The following IFI27L1 variants were observed in gnomAD, a reference collection of about 807,000 sequenced individuals.
IFI27L1 encodes interferon alpha inducible protein 27 like 1.
IFI27L1 carries 3 observed loss-of-function variants against 9.2 expected under a neutral mutation model. The observed-to-expected ratio is 0.32, with a 90% CI of 0.15 to 0.84. The LOEUF is 0.84. Among genes scored for constraint, IFI27L1 ranks in the 40% least tolerant of loss-of-function variants. IFI27L1 has a pLI of 0.56. For synonymous variants in IFI27L1, 53 were observed against 50.0 expected (o/e 1.06, Z -0.26); for missense variants, 133 against 134.2 (o/e 0.99, Z 0.05).
At chr14:94,099,027 G>A (rs1031624371) in intron 2 of IFI27L1, among the ~76,000 whole-genome samples, 4 of 152,220 alleles carry the variant, frequency 2.6e-5, no homozygotes, top group Admixed American at 2.6e-4. Context: ...AAAGCAAAGT[G>A]AGGTGGCAGC....
intron 3 of IFI27L1, 150 bp downstream of exon 3, chr14:94,100,921 G>A: frequency 1.2e-6 from 1 of 832,070 alleles, no homozygotes; most frequent in South Asian, 1.4e-5. Flanking sequence ...GGACCTTAGA[G>A]CAGCAGGAAG....
At chr14:94,095,757 A>AT (rs1163579312) in intron 1 of IFI27L1, among the ~76,000 whole-genome samples, 1 of 152,126 alleles carries the variant, frequency 6.6e-6, no homozygotes, top group Non-Finnish European at 1.5e-5. Context: ...ACCATGAGGG[A>AT]TTTTCCCCCA....
rs1028761084 is a variant in IFI27L1, at chr14:94,100,241, G to A, written c.29-498G>A. 9.1e-6 allele frequency: 9 copies of A among 983,766 alleles called. No homozygotes were observed. In the African/African-American group the frequency reaches 1.0e-4, roughly 11 times the overall value. The allele number at this position is 983,766 out of a possible 1,614,324, so 60.9% of individuals were successfully genotyped here. ...AAAGCTTCAAGAAATGGCAGGGAGT[G>A]ATGGGAGGATTGAGGCTGATTTTTG... is the stretch of plus-strand genomic sequence containing the variant. On this transcript the variant is annotated intron_variant, in intron 2 of 4. Transcript: ENST00000555523.
intron 1 of IFI27L1, among the ~76,000 whole-genome samples, chr14:94,093,979 A>AATC (rs1886577267): frequency 2.0e-5 from 3 of 152,082 alleles, no homozygotes; most frequent in Non-Finnish European, 2.9e-5. Context: ...CGGGGTGGGA[A>AATC]AGGCCCTCTG....
chr14:94,097,669 A>G (rs1308646364), intron 2 of IFI27L1: 1 of 702,294 alleles, frequency 1.4e-6, no homozygotes, highest in Middle Eastern at 2.3e-4. Context: ...CAGACTGGAT[A>G]TTTCTGAAGG....
chr14:94,093,699 ACCTTGATGTG>A (rs1472055956), intron 1 of IFI27L1, among the ~76,000 whole-genome samples: 1 of 152,134 alleles, frequency 6.6e-6, no homozygotes, highest in Non-Finnish European at 1.5e-5. Flanking sequence ...AAGTTAATGA[ACCTTGATGTG>A]CCTTAGTTTG....
chr14:94,101,900 A>G lies in IFI27L1; in HGVS notation c.148A>G (p.Met50Val). The G allele has an allele frequency of 1.2e-6, 2 of 1,614,228 alleles. No individual in the cohort carries two copies. Among genetic ancestry groups the G allele is most frequent in the Non-Finnish European group, 1.7e-6 (2 of 1,180,036 alleles). Residue 50 changes from methionine to valine, a missense_variant, in exon 4 of 5, where the codon ATG (methionine) becomes GTG (valine). Met to Val is a conservative substitution (Grantham distance 21). Coordinates refer to ENST00000555523, the MANE Select transcript of IFI27L1 (RefSeq NM_206949.3). ...GIAASSIAAKMMSTAAIANGG... is the reference protein window; with the variant it reads ...GIAASSIAAKVMSTAAIANGG... ...CGCCGCATCCTCCATAGCAGCCAAGATGATGTCTACAGCAGCCATTGCCAA... is the reference window on the plus strand; with the variant it reads ...CGCCGCATCCTCCATAGCAGCCAAGGTGATGTCTACAGCAGCCATTGCCAA...
chr14:94,082,492 G>A (rs886087645), intron 1 of IFI27L1, among the ~76,000 whole-genome samples: 10 of 152,238 alleles, frequency 6.6e-5, no homozygotes, highest in East Asian at 1.9e-4. Context: ...GGAAGAAGAC[G>A]CCATCAAGGA....
Position 94,097,626 on chromosome 14 carries a change from C to T in IFI27L1, c.28+661C>T, listed in dbSNP as rs949468824. 3.3e-5 allele frequency: 23 copies of T among 701,998 alleles called. 1 individual carries two copies. Among genetic ancestry groups the T allele is most frequent in the South Asian group, 1.0e-4 (7 of 67,570 alleles). The allele number at this position is 701,998 out of a possible 1,614,324, so 43.5% of individuals were successfully genotyped here. On this transcript the variant is annotated intron_variant, in intron 2 of 4. Coordinates refer to ENST00000555523, the MANE Select transcript of IFI27L1 (RefSeq NM_206949.3). ...ACTGAGAGACGCGGGTGGCTTGGTCCGGGACTGGAGCTGCAGAAGTATGAG... is the reference window on the plus strand; with the variant it reads ...ACTGAGAGACGCGGGTGGCTTGGTCTGGGACTGGAGCTGCAGAAGTATGAG...
At chr14:94,095,958 A>G (rs60461852) in intron 1 of IFI27L1, among the ~76,000 whole-genome samples, 56,635 of 152,100 alleles carry the variant, frequency 0.37, 11,440 homozygotes, top group East Asian at 0.86. Context: ...GTGGACTCAC[A>G]TTTGAGAGCA....
rs1321510464 is a variant in IFI27L1, at chr14:94,102,029, T to C, written c.223+54T>C. ...CCAGGAGATGATCCAGCCCCGAGGCTGAACCAGGGAGGCCTCTCCTCTCCC... is the reference window on the plus strand; with the variant it reads ...CCAGGAGATGATCCAGCCCCGAGGCCGAACCAGGGAGGCCTCTCCTCTCCC... On this transcript the variant is annotated intron_variant, in intron 4 of 4. Transcript: ENST00000555523. 9 of 1,599,360 alleles carry C rather than the reference T, an allele frequency of 5.6e-6. No individual in the cohort carries two copies. In the African/African-American group the frequency reaches 1.1e-4, roughly 19 times the overall value.
intron 1 of IFI27L1, among the ~76,000 whole-genome samples, chr14:94,095,594 T>C (rs1886638737): frequency 6.6e-6 from 1 of 152,184 alleles, no homozygotes; most frequent in African/African-American, 2.4e-5. Flanking sequence ...AAGCTTTTAC[T>C]AATGCAGAAG....
chr14:94,085,918 A>G (rs1886264010), intron 1 of IFI27L1, among the ~76,000 whole-genome samples: 1 of 152,200 alleles, frequency 6.6e-6, no homozygotes, highest in African/African-American at 2.4e-5. Flanking sequence ...TGTAAAAGTG[A>G]CTTATGCCTG....
At chr14:94,092,145 A>G (rs1886501246) in intron 1 of IFI27L1, among the ~76,000 whole-genome samples, 1 of 151,632 alleles carries the variant, frequency 6.6e-6, no homozygotes, top group Admixed American at 6.6e-5. Context: ...AAAAAAAAAA[A>G]AGAAAGAAAA....
intron 1 of IFI27L1, among the ~76,000 whole-genome samples, chr14:94,083,347 G>A (rs1362340480): frequency 6.6e-6 from 1 of 152,232 alleles, no homozygotes; most frequent in Admixed American, 6.5e-5. Context: ...TGGGAACACT[G>A]TTGAAATGAC....
rs201329976 is a variant in IFI27L1 at position 94,096,973 on chromosome 14, C to T, written c.28+8C>T. ...AGAGTGGATGGGACTCAGGTGGGTA[C>T]TGCACATGATTCTGGGGGCTGCTGG... On this transcript the variant is annotated splice_region_variant and intron_variant, in intron 2 of 4. Coordinates refer to ENST00000555523, the MANE Select transcript of IFI27L1 (RefSeq NM_206949.3). 125 of 1,610,924 alleles carry T rather than the reference C, an allele frequency of 7.8e-5. 2 individuals carry two copies. In the South Asian group the frequency reaches 1.3e-3, roughly 16 times the overall value.
intron 2 of IFI27L1, chr14:94,100,216 A>G (rs889473033): frequency 1.0e-6 from 1 of 956,780 alleles, no homozygotes; most frequent in Admixed American, 6.2e-5. Context: ...CCATGAGCTA[A>G]AAGCTTCAAG....
Position 94,081,344 on chromosome 14 carries a change from A to G in IFI27L1, c.-157A>G, listed in dbSNP as rs776628930. ...GGGAGAGCTGGCTTGGGGCGCTGGC[A>G]CCTCCTCTTACAGCTTTACTCCTGC... is the stretch of plus-strand genomic sequence containing the variant. On this transcript the variant is annotated 5_prime_UTR_variant, in exon 1 of 5. Transcript: ENST00000555523. 1 of 152,128 alleles carries G rather than the reference A, an allele frequency of 6.6e-6. No homozygotes were observed. Among genetic ancestry groups the G allele is most frequent in the Non-Finnish European group, 1.5e-5 (1 of 68,042 alleles). 9.4% of individuals were successfully genotyped at this position (152,128 alleles called of 1,614,324 possible). A position where few individuals can be genotyped will look rare whatever the true frequency, so the allele number is the denominator to read the frequency against.
chr14:94,096,185 A>C (rs1349287382), intron 1 of IFI27L1, among the ~76,000 whole-genome samples: 2 of 152,204 alleles, frequency 1.3e-5, no homozygotes, highest in African/African-American at 4.8e-5. Context: ...GGCAGAAGCC[A>C]GTTCATGGAG....
Sources: gnomAD v4.1 joint callset for allele counts (sites outside exome capture counted in the v4.1 genomes callset) on GRCh38, gnomAD v4.1.1 for gene constraint, MANE v1.5 for transcripts, NCBI Gene and HGNC (gene_info 2026-07-23, HGNC 2026-07-21) for gene names.